SEMA3A: variants seen among roughly 807,000 people sequenced by gnomAD.
SEMA3A encodes the protein semaphorin-3A.
SEMA3A carries 29 observed loss-of-function variants against 97.9 expected under a neutral mutation model. The observed-to-expected ratio is 0.30, with a 90% CI of 0.22 to 0.40. The LOEUF is 0.40. Among genes scored for constraint, SEMA3A ranks in the 10% least tolerant of loss-of-function variants. The probability of loss-of-function intolerance (pLI) is 1.00; values close to 1 mark genes in which losing one functional copy is unlikely to be tolerated. For missense variants in SEMA3A, 763 were observed against 951.3 expected (o/e 0.80, Z 2.60); for synonymous variants, 321 against 323.7 (o/e 0.99, Z 0.09).
At chr7:84,451,768 T>G (rs762362906) in intron 1 of SEMA3A, among the ~76,000 whole-genome samples, 17 of 152,202 alleles carry the variant, frequency 1.1e-4, no homozygotes, top group Non-Finnish European at 2.4e-4. Context: ...TCATGTTTCA[T>G]TGGACACTTC....
intron 3 of SEMA3A, among the ~76,000 whole-genome samples, chr7:84,293,427 C>A (rs1800798530): frequency 6.6e-6 from 1 of 151,922 alleles, no homozygotes. Context: ...GGCATGTAGA[C>A]TAGGGCAAGC....
At chr7:83,989,456 AT>A (rs1562957298) in intron 12 of SEMA3A, among the ~76,000 whole-genome samples, 1 of 120,912 alleles carries the variant, frequency 8.3e-6, no homozygotes, top group Non-Finnish European at 1.7e-5. Context: ...TCCCAATGCT[AT>A]CCCTCCCCCC....
chr7:84,382,480 T>A (rs565224487), intron 1 of SEMA3A, among the ~76,000 whole-genome samples: 2 of 151,576 alleles, frequency 1.3e-5, no homozygotes, highest in East Asian at 1.9e-4. Context: ...GGTGCCTACA[T>A]GAAAAAAAAT....
intron 2 of SEMA3A, among the ~76,000 whole-genome samples, chr7:84,352,813 T>A (rs1027633972): frequency 6.6e-6 from 1 of 151,906 alleles, no homozygotes; most frequent in African/African-American, 2.4e-5. Context: ...TGGAGTTAGA[T>A]GGCCACATCA....
intron 3 of SEMA3A, among the ~76,000 whole-genome samples, chr7:84,256,673 A>G (rs1298440449): frequency 6.6e-6 from 1 of 152,100 alleles, no homozygotes; most frequent in Non-Finnish European, 1.5e-5. Context: ...TTTCAAGTTC[A>G]AAGGGCTTGA....
chr7:84,371,700 A>T (rs1443984930), intron 2 of SEMA3A: 1 of 151,934 alleles, frequency 6.6e-6, no homozygotes, highest in Non-Finnish European at 1.5e-5. Context: ...TGTTATTTTG[A>T]AGACATTGGC....
chr7:84,432,500 G>A (rs1380605992), intron 1 of SEMA3A, among the ~76,000 whole-genome samples: 1 of 152,086 alleles, frequency 6.6e-6, no homozygotes, highest in Non-Finnish European at 1.5e-5. Context: ...CAAGTAGTGA[G>A]TGTAATACTC....
intron 2 of SEMA3A, among the ~76,000 whole-genome samples, chr7:84,344,638 T>C (rs1196862437): frequency 6.6e-6 from 1 of 152,198 alleles, no homozygotes; most frequent in Non-Finnish European, 1.5e-5. Flanking sequence ...TCTGTTTGTT[T>C]GCAGTGTGCT....
At chr7:84,336,788 G>C (rs536150329) in intron 2 of SEMA3A, among the ~76,000 whole-genome samples, 1 of 152,006 alleles carries the variant, frequency 6.6e-6, no homozygotes, top group African/African-American at 2.4e-5. Flanking sequence ...ATGCATACAC[G>C]TACACTTTAC....
At chr7:84,441,825 G>A (rs1002295315) in intron 1 of SEMA3A, among the ~76,000 whole-genome samples, 4 of 152,150 alleles carry the variant, frequency 2.6e-5, no homozygotes, top group Admixed American at 1.3e-4. Context: ...TCCTCAGTTA[G>A]ATCATCAGCA....
At chr7:84,045,414 A>G (rs1360855548) in intron 6 of SEMA3A, among the ~76,000 whole-genome samples, 1 of 151,810 alleles carries the variant, frequency 6.6e-6, no homozygotes, top group Non-Finnish European at 1.5e-5. Flanking sequence ...TTTAAGATTG[A>G]AGGTAGGTAT....
At chr7:84,320,387 A>G (rs1801617051) in intron 2 of SEMA3A, among the ~76,000 whole-genome samples, 1 of 152,148 alleles carries the variant, frequency 6.6e-6, no homozygotes, top group Non-Finnish European at 1.5e-5. Flanking sequence ...GAAAAAGTTA[A>G]GTTTCAGCAG....
chr7:84,053,277 C>T (rs1792773912), intron 5 of SEMA3A, among the ~76,000 whole-genome samples: 1 of 107,010 alleles, frequency 9.3e-6, no homozygotes, highest in Non-Finnish European at 2.2e-5. Flanking sequence ...TGTTGACTTT[C>T]TGTCTCGTTG....
At chr7:84,435,294 A>G (rs1805096077) in intron 1 of SEMA3A, among the ~76,000 whole-genome samples, 2 of 152,054 alleles carry the variant, frequency 1.3e-5, no homozygotes, top group South Asian at 4.1e-4. Context: ...CTGGGAACAC[A>G]TCTGTCCAAA....
intron 2 of SEMA3A, among the ~76,000 whole-genome samples, chr7:84,362,802 T>C (rs907813771): frequency 3.3e-4 from 50 of 152,054 alleles, no homozygotes; most frequent in African/African-American, 1.2e-3. Context: ...AAAATGTAAT[T>C]CAAATAATAA....
chr7:84,416,998 T>C (rs1804454319), intron 1 of SEMA3A, among the ~76,000 whole-genome samples: 1 of 152,066 alleles, frequency 6.6e-6, no homozygotes, highest in South Asian at 2.1e-4. Flanking sequence ...CTTGAAATTT[T>C]AAAAACTTTT....
At chr7:84,452,020 GTT>G (rs1805569628) in intron 1 of SEMA3A, among the ~76,000 whole-genome samples, 1 of 151,886 alleles carries the variant, frequency 6.6e-6, no homozygotes, top group Admixed American at 6.6e-5. Context: ...ATATTTAATT[GTT>G]TGTTTTTCAA....
In SEMA3A at chr7:83,962,967, C is replaced by T. The variant is rs868374812; in HGVS notation, c.1860+238G>A. On this transcript the variant is annotated intron_variant, in intron 16 of 16. Transcript: ENST00000265362. ...AATAAGGGGAGTCTAATATGTATCCCCAAACTGCTTCTGGGGCAGAAACTC... is the reference window on the plus strand; with the variant it reads ...AATAAGGGGAGTCTAATATGTATCCTCAAACTGCTTCTGGGGCAGAAACTC... 4.6e-5 allele frequency among the ~76,000 whole-genome samples: 7 copies of T among 152,026 alleles called. No individual in the cohort carries two copies. The South Asian group carries it at 6.2e-4, about 14-fold the overall frequency.
intron 2 of SEMA3A, among the ~76,000 whole-genome samples, chr7:84,313,402 A>AC (rs1801411283): frequency 8.1e-6 from 1 of 122,740 alleles, no homozygotes; most frequent in African/African-American, 3.1e-5. Context: ...ATATATATAT[A>AC]TATAAACTAT....
Sources: allele counts gnomAD v4.1 joint callset (sites outside exome capture counted in the v4.1 genomes callset), GRCh38; gene constraint gnomAD v4.1.1; transcripts MANE v1.5; gene names NCBI Gene and HGNC (gene_info 2026-07-23, HGNC 2026-07-21).